Variants in SLC9A9 observed in about 807,000 individuals in gnomAD.
SLC9A9 encodes the protein sodium/hydrogen exchanger 9.
SLC9A9 carries 62 observed loss-of-function variants against 77.8 expected under a neutral mutation model. The observed-to-expected ratio is 0.80, with a 90% CI of 0.65 to 0.98. The LOEUF (loss-of-function observed/expected upper bound fraction) is 0.98, where lower values mean the gene tolerates loss of function less well. Ranked by LOEUF, SLC9A9 falls within the 50% of genes least tolerant of loss-of-function variation. The pLI, the probability that SLC9A9 is intolerant of heterozygous loss-of-function variation, is 0.00. For synonymous variants in SLC9A9, 320 were observed against 283.5 expected, an observed-to-expected ratio of 1.13 and a Z score of -1.29; for missense variants, 775 against 774.9, an observed-to-expected ratio of 1.00 and a Z score of 0.00.
At chr3:143,352,233 T>G (rs16853469) in intron 14 of SLC9A9, among the ~76,000 whole-genome samples, 1 of 152,142 alleles carries the variant, frequency 6.6e-6, no homozygotes. Flanking sequence ...TAGCGAGGGA[T>G]GTGGGAAGAA....
intron 6 of SLC9A9, among the ~76,000 whole-genome samples, chr3:143,624,078 C>T (rs577819717): frequency 1.3e-5 from 2 of 152,162 alleles, no homozygotes; most frequent in Non-Finnish European, 2.9e-5. Context: ...GAAGTTGAAT[C>T]TCTGAATAGA....
At chr3:143,444,326 G>A (rs1001558046) in intron 12 of SLC9A9, among the ~76,000 whole-genome samples, 6 of 152,130 alleles carry the variant, frequency 3.9e-5, no homozygotes, top group Non-Finnish European at 7.4e-5. Flanking sequence ...TCTCATAGTC[G>A]GAGATGTTAA....
At chr3:143,353,141 T>C (rs1489259234) in intron 14 of SLC9A9, among the ~76,000 whole-genome samples, 1 of 152,206 alleles carries the variant, frequency 6.6e-6, no homozygotes, top group African/African-American at 2.4e-5. Context: ...CTCTCAACCC[T>C]GCTCCTTACA....
intron 6 of SLC9A9, among the ~76,000 whole-genome samples, chr3:143,635,794 C>G (rs1460731055): frequency 2.0e-5 from 3 of 152,186 alleles, no homozygotes; most frequent in Non-Finnish European, 4.4e-5. Flanking sequence ...CCGAGAGAAA[C>G]AGACTTGGCT....
chr3:143,403,798 G>T (rs925373463), intron 12 of SLC9A9, among the ~76,000 whole-genome samples: 26 of 152,052 alleles, frequency 1.7e-4, no homozygotes, highest in African/African-American at 6.3e-4. Flanking sequence ...AATGTGTCTT[G>T]ATATGGCTTT....
intron 4 of SLC9A9, among the ~76,000 whole-genome samples, chr3:143,763,752 T>G (rs981718598): frequency 6.6e-6 from 1 of 152,014 alleles, no homozygotes; most frequent in African/African-American, 2.4e-5. Flanking sequence ...TCATAAACCA[T>G]GGAATATGGC....
At chr3:143,659,881 G>A (rs1035448522) in intron 5 of SLC9A9, among the ~76,000 whole-genome samples, 1 of 152,176 alleles carries the variant, frequency 6.6e-6, no homozygotes, top group African/African-American at 2.4e-5. Context: ...ATTAAATCAT[G>A]AGGAGCTGGT....
chr3:143,808,996 A>C (rs929751298), intron 2 of SLC9A9, among the ~76,000 whole-genome samples: 1 of 152,186 alleles, frequency 6.6e-6, no homozygotes, highest in African/African-American at 2.4e-5. Flanking sequence ...GAAAGATCTT[A>C]ATTTTTCATT....
At chr3:143,378,292 C>T (rs752216988) in intron 13 of SLC9A9, among the ~76,000 whole-genome samples, 93 of 152,188 alleles carry the variant, frequency 6.1e-4, no homozygotes, top group Non-Finnish European at 7.9e-4. Flanking sequence ...AATACATGCA[C>T]GCATACCAGT....
At chr3:143,380,534 C>A (rs2033279520) in intron 13 of SLC9A9, among the ~76,000 whole-genome samples, 1 of 152,214 alleles carries the variant, frequency 6.6e-6, no homozygotes, top group Admixed American at 6.5e-5. Context: ...AAATCAGCCA[C>A]CACCAGACAT....
chr3:143,341,291 C>T (rs1367467025), intron 14 of SLC9A9, among the ~76,000 whole-genome samples: 2 of 151,982 alleles, frequency 1.3e-5, no homozygotes, highest in African/African-American at 4.8e-5. Context: ...AGAATATATA[C>T]CTGAGATGGG....
intron 11 of SLC9A9, among the ~76,000 whole-genome samples, chr3:143,480,374 C>T (rs984495684): frequency 2.0e-5 from 3 of 152,206 alleles, no homozygotes; most frequent in Admixed American, 6.5e-5. Flanking sequence ...AATCACATAA[C>T]CTTTTCTCAG....
chr3:143,838,152 G>A (rs190414356), intron 1 of SLC9A9, among the ~76,000 whole-genome samples: 2 of 152,268 alleles, frequency 1.3e-5, no homozygotes, highest in East Asian at 3.9e-4. Flanking sequence ...ACAAAGCAAT[G>A]TACAAAGTTT....
At chr3:143,444,888 G>A (rs770924839) in intron 12 of SLC9A9, among the ~76,000 whole-genome samples, 13 of 152,236 alleles carry the variant, frequency 8.5e-5, no homozygotes, top group Non-Finnish European at 1.9e-4. Context: ...GCTGGCCCAT[G>A]TGGGCATTTG....
intron 4 of SLC9A9, among the ~76,000 whole-genome samples, chr3:143,785,611 G>C (rs1576724476): frequency 6.6e-6 from 1 of 152,084 alleles, no homozygotes; most frequent in East Asian, 1.9e-4. Context: ...TATGTTTTGG[G>C]GGTAGTTTGT....
chr3:143,486,357 A>G (rs2035652643), intron 11 of SLC9A9, among the ~76,000 whole-genome samples: 1 of 152,150 alleles, frequency 6.6e-6, no homozygotes, highest in Non-Finnish European at 1.5e-5. Context: ...AACTTGAGCC[A>G]TATGAAGAAA....
chr3:143,652,321 G>C lies in SLC9A9; in HGVS notation c.689C>G (p.Pro230Arg). ...TCCAAACAAGAGTGTGTACAGGTCA[G>C]GGTCGACGTGCAGTTCATGGAAAAT... ...LAIFHELHVD[P>R]DLYTLLFGES... Residue 230 changes from proline (P) to arginine (R), a missense_variant, in exon 6 of 16, where the codon CCT (proline) becomes CGT (arginine). Transcript: ENST00000316549. 6.2e-7 allele frequency: 1 copy of C among 1,613,248 alleles called. No homozygotes were observed. Among genetic ancestry groups the C allele is most frequent in the Non-Finnish European group, 8.5e-7 (1 of 1,179,658 alleles).
intron 4 of SLC9A9, among the ~76,000 whole-genome samples, chr3:143,785,983 T>C (rs947726277): frequency 2.1e-4 from 31 of 149,282 alleles, no homozygotes; most frequent in African/African-American, 7.1e-4. Context: ...CAGCCTCCCA[T>C]GTAGCTGGGA....
chr3:143,661,952 A>G (rs2038985425), intron 5 of SLC9A9, among the ~76,000 whole-genome samples: 2 of 146,582 alleles, frequency 1.4e-5, no homozygotes, highest in African/African-American at 5.3e-5. Flanking sequence ...CTACCCACTA[A>G]CTAGCCTCAG....
Sources: allele counts gnomAD v4.1 joint callset (sites outside exome capture counted in the v4.1 genomes callset), GRCh38; gene constraint gnomAD v4.1.1; transcripts MANE v1.5; gene names NCBI Gene and HGNC (gene_info 2026-07-23, HGNC 2026-07-21).